SAMD12: variants seen among roughly 807,000 people sequenced by gnomAD.
SAMD12 encodes sterile alpha motif domain containing 12.
Under a neutral mutation model 15.0 loss-of-function variants are expected in SAMD12, and 9 were observed. That is an observed-to-expected ratio of 0.60 (90% CI 0.36 to 1.05). The LOEUF is 1.05. Ranked by LOEUF, SAMD12 falls within the 50% of genes least tolerant of loss-of-function variation. The pLI is 0.01. For synonymous variants in SAMD12, 86 were observed against 90.1 expected (o/e 0.96, Z 0.25); for missense variants, 230 against 234.2 (o/e 0.98, Z 0.12).
At chr8:118,155,928 C>T in the SAMD12 span, among the ~76,000 whole-genome samples, 380 of 152,312 alleles carry the variant, frequency 2.5e-3, 1 homozygote, top group African/African-American at 8.9e-3. Context: ...TTAAGTGTCA[C>T]AGGCATAGAA....
In SAMD12 at chr8:118,331,943, A is replaced by AT. The variant is rs1258108714; in HGVS notation, c.433+47616dup. ...GGGAAACCTGAGGTTTAGAACATAG[A>AT]TTTTAAACATGTATTAATATTACTT... On this transcript the variant is annotated intron_variant, in intron 4 of 4. Coordinates refer to the SAMD12 transcript ENST00000409003. 2.0e-5 allele frequency among the ~76,000 whole-genome samples: 3 copies of AT among 152,180 alleles called. No homozygotes were observed. In the East Asian group the frequency reaches 5.8e-4, roughly 29 times the overall value.
Position 118,242,265 on chromosome 8 carries a change from G to A in SAMD12, c.434-44533C>T, listed in dbSNP as rs189725190. ...AATTAAGAATTTACATTTGGCAAAG[G>A]AACTGAAGAAAGAAAGTTAACACAA... On this transcript the variant is annotated intron_variant, in intron 4 of 4. Transcript: ENST00000409003. Among the ~76,000 whole-genome samples, 270 of 152,174 alleles carry A rather than the reference G, an allele frequency of 1.8e-3. 1 individual carries two copies. The highest frequency in any genetic ancestry group is 0.01 in the Middle Eastern group (3 of 294).
chr8:118,538,673 GC>G (rs1264694461), intron 2 of SAMD12, among the ~76,000 whole-genome samples: 2 of 152,160 alleles, frequency 1.3e-5, no homozygotes, highest in African/African-American at 2.4e-5. Context: ...TGTCTTTCCT[GC>G]CCTCTTCAGT....
At chr8:118,334,528 G>T (rs1816961309) in intron 4 of SAMD12, among the ~76,000 whole-genome samples, 5 of 151,122 alleles carry the variant, frequency 3.3e-5, no homozygotes, top group Admixed American at 2.0e-4. Context: ...AACTCTTATT[G>T]TCAGGAAGTT....
At chr8:118,263,622 C>T (rs545911605) in intron 4 of SAMD12, among the ~76,000 whole-genome samples, 1 of 152,184 alleles carries the variant, frequency 6.6e-6, no homozygotes, top group South Asian at 2.1e-4. Flanking sequence ...GACATTGCTG[C>T]TAGCTTCTAG....
At chr8:118,276,841 T>C (rs1340206371) in intron 4 of SAMD12, among the ~76,000 whole-genome samples, 1 of 151,976 alleles carries the variant, frequency 6.6e-6, no homozygotes, top group Non-Finnish European at 1.5e-5. Context: ...CCTGGCTAAG[T>C]TTTGTATTTT....
intron 4 of SAMD12, among the ~76,000 whole-genome samples, chr8:118,255,236 C>A (rs1459661918): frequency 6.6e-6 from 1 of 151,962 alleles, no homozygotes; most frequent in Non-Finnish European, 1.5e-5. Context: ...TCTAAAAAAA[C>A]CATAAGGTAT....
intron 4 of SAMD12, among the ~76,000 whole-genome samples, chr8:118,359,816 T>G (rs759163881): frequency 1.3e-4 from 20 of 152,226 alleles, no homozygotes; most frequent in Non-Finnish European, 2.1e-4. Context: ...TGATAGTGAT[T>G]ATCACTGATG....
At chr8:118,191,569 T>C (rs1819372606) in exon 5 of SAMD12, 1 of 151,110 alleles carries the variant, frequency 6.6e-6, no homozygotes, top group Non-Finnish European at 1.5e-5. Flanking sequence ...GAAAAAGAAC[T>C]GGGTCAGGCA....
At chr8:118,431,354 T>C (rs896489406) in intron 3 of SAMD12, among the ~76,000 whole-genome samples, 1 of 152,232 alleles carries the variant, frequency 6.6e-6, no homozygotes, top group African/African-American at 2.4e-5. Context: ...TTTCTGTTGA[T>C]TCAAGTTTCT....
intron 3 of SAMD12, among the ~76,000 whole-genome samples, chr8:118,385,405 T>C (rs1008205337): frequency 1.3e-5 from 2 of 152,156 alleles, no homozygotes; most frequent in Non-Finnish European, 2.9e-5. Flanking sequence ...CTGCCAGCCT[T>C]TGGACTCAAA....
intron 4 of SAMD12, among the ~76,000 whole-genome samples, chr8:118,322,598 G>C (rs4876409): frequency 0.48 from 73,382 of 152,136 alleles, 19,898 homozygotes; most frequent in African/African-American, 0.75. Flanking sequence ...TCTCTCTGTC[G>C]TAGGCTGAAC....
At chr8:118,166,374 T>A in the SAMD12 span, among the ~76,000 whole-genome samples, 4 of 152,242 alleles carry the variant, frequency 2.6e-5, no homozygotes, top group Admixed American at 2.0e-4. Context: ...TTATTAGTTC[T>A]GTTATCTCAA....
the SAMD12 span, among the ~76,000 whole-genome samples, chr8:118,150,905 G>A: frequency 6.6e-6 from 1 of 151,916 alleles, no homozygotes; most frequent in Non-Finnish European, 1.5e-5. Context: ...TTTTTTTGGA[G>A]TATTTTTCAA....
chr8:118,561,057 C>T (rs973241514), intron 2 of SAMD12, among the ~76,000 whole-genome samples: 3 of 152,084 alleles, frequency 2.0e-5, no homozygotes, highest in African/African-American at 7.2e-5. Flanking sequence ...TCACACTATA[C>T]TAATTTTAAT....
intron 4 of SAMD12, among the ~76,000 whole-genome samples, chr8:118,311,088 A>G (rs139409527): frequency 1.3e-5 from 2 of 152,236 alleles, no homozygotes. Context: ...TTTTACAAGT[A>G]CAAAGGTGAG....
intron 1 of SAMD12, among the ~76,000 whole-genome samples, chr8:118,595,302 AATATTT>A (rs776625280): frequency 2.0e-5 from 3 of 152,200 alleles, no homozygotes; most frequent in Non-Finnish European, 4.4e-5. Flanking sequence ...ATGCTTCTAA[AATATTT>A]TACCAGTATT....
chr8:118,602,618 TA>T lies in SAMD12; in HGVS notation c.13+19185del, dbSNP rs113272213. Among the ~76,000 whole-genome samples the T allele has an allele frequency of 9.7e-3, 1,484 of 152,294 alleles. 25 individuals are homozygous for T. The highest frequency in any genetic ancestry group is 0.034 in the African/African-American group (1,409 of 41,558). ...TGGAATCAGAAATTAAGAGTTCAAA[TA>T]TTGGCTTTTATCTGGGTAATTAACC... On this transcript the variant is annotated intron_variant, in intron 1 of 3. Coordinates refer to ENST00000314727, the MANE Select transcript of SAMD12 (RefSeq NM_207506.3).
intron 4 of SAMD12, among the ~76,000 whole-genome samples, chr8:118,353,959 C>T (rs1463262912): frequency 3.3e-5 from 5 of 152,294 alleles, no homozygotes; most frequent in African/African-American, 9.6e-5. Flanking sequence ...TTCCTCCCTC[C>T]CTGCAGGCAT....
Sources: gnomAD v4.1 joint callset for allele counts (sites outside exome capture counted in the v4.1 genomes callset) on GRCh38, gnomAD v4.1.1 for gene constraint, MANE v1.5 for transcripts, NCBI Gene and HGNC (gene_info 2026-07-23, HGNC 2026-07-21) for gene names.